The following CTBP2 variants were observed in gnomAD, a reference collection of about 807,000 sequenced individuals.
CTBP2 encodes the protein C-terminal-binding protein 2.
A neutral mutation model predicts 80.3 loss-of-function variants in CTBP2; 30 were observed. That is an observed-to-expected ratio of 0.37 (90% CI 0.28 to 0.51). CTBP2 has a LOEUF of 0.51. Ranked by LOEUF, CTBP2 falls within the 20% of genes least tolerant of loss-of-function variation. CTBP2 has a pLI of 0.93. For missense variants in CTBP2, 1,212 were observed against 1,375.3 expected, an observed-to-expected ratio of 0.88 and a Z score of 1.88; for synonymous variants, 594 against 587.4, an observed-to-expected ratio of 1.01 and a Z score of -0.16.
intron 1 of CTBP2, among the ~76,000 whole-genome samples, chr10:125,145,920 AT>A (rs112934983): frequency 0.015 from 2,068 of 141,196 alleles, 17 homozygotes; most frequent in Middle Eastern, 0.034. Context: ...TCCAAGTGAG[AT>A]TTTTTTTTTT....
chr10:125,068,757 C>T (rs1040139181), intron 2 of CTBP2, among the ~76,000 whole-genome samples: 5 of 152,162 alleles, frequency 3.3e-5, no homozygotes, highest in Non-Finnish European at 7.4e-5. Context: ...CAGGACCAGG[C>T]CCTGGAAGGT....
At chr10:125,074,853 A>G (rs549288804) in intron 2 of CTBP2, among the ~76,000 whole-genome samples, 2 of 152,356 alleles carry the variant, frequency 1.3e-5, no homozygotes, top group South Asian at 4.1e-4. Context: ...CCTGGCAGAG[A>G]AGTACAATGA....
chr10:124,984,636 G>C lies in CTBP2; in HGVS notation c.*4882C>G. On this transcript the variant is annotated 3_prime_UTR_variant, in exon 9 of 9. Transcript: ENST00000309035. ...GACTTTAATCACAAAACTTCCAAGAGGTCAAAACCATGTGAAAAGTTGATT... is the reference window on the plus strand; with the variant it reads ...GACTTTAATCACAAAACTTCCAAGACGTCAAAACCATGTGAAAAGTTGATT... The C allele has an allele frequency of 1.2e-6, 1 of 813,046 alleles. No individual in the cohort carries two copies. The highest frequency in any genetic ancestry group is 1.9e-6 in the Non-Finnish European group (1 of 526,266). The allele number at this position is 813,046 out of a possible 1,614,324, so 50.4% of individuals were successfully genotyped here. A position where few individuals can be genotyped will look rare whatever the true frequency, so the allele number is the denominator to read the frequency against.
At chr10:125,058,414 T>C (rs768589816) in intron 2 of CTBP2, among the ~76,000 whole-genome samples, 18 of 152,198 alleles carry the variant, frequency 1.2e-4, no homozygotes, top group Non-Finnish European at 2.2e-4. Flanking sequence ...AGTTTTGCCT[T>C]TTCCAAGCTA....
chr10:125,154,311 G>A (rs1006721267), intron 1 of CTBP2, among the ~76,000 whole-genome samples: 1 of 152,076 alleles, frequency 6.6e-6, no homozygotes, highest in Non-Finnish European at 1.5e-5. Context: ...CAAAACCAAA[G>A]GCAAGGCTGG....
chr10:125,113,659 A>T (rs1852683913), intron 1 of CTBP2, among the ~76,000 whole-genome samples: 1 of 152,250 alleles, frequency 6.6e-6, no homozygotes, highest in Admixed American at 6.5e-5. Context: ...TGACTATAAC[A>T]TTACTTGTTT....
chr10:125,115,871 T>C (rs1490078084), intron 1 of CTBP2, among the ~76,000 whole-genome samples: 2 of 152,174 alleles, frequency 1.3e-5, no homozygotes, highest in Non-Finnish European at 2.9e-5. Context: ...TCTGCACTTC[T>C]GCCCCAAGCA....
Position 125,054,408 on chromosome 10 carries a change from C to T in CTBP2, c.-101-15253G>A, listed in dbSNP as rs1363526857. On this transcript the variant is annotated intron_variant, in intron 2 of 10. Coordinates refer to the CTBP2 transcript ENST00000337195. ...GCCAGCTGCCCTAAGGAGAGACCCA[C>T]GGAACAGGAAACCAAGGCCCTCAGT... 4.6e-5 allele frequency among the ~76,000 whole-genome samples: 7 copies of T among 152,242 alleles called. No individual in the cohort carries two copies. The East Asian group carries it at 7.7e-4, about 17-fold the overall frequency.
chr10:125,027,275 C>T lies in CTBP2; in HGVS notation c.485G>A (p.Gly162Asp). ...ACCTCCAGGATCCCGGTACAGGTGA[C>T]CGGCGTCCTGCAGGGCAGGTGACCG... is the stretch of plus-strand genomic sequence containing the variant. The change falls in exon 1 of 9, where the codon GGT becomes GAT. Residue 162 changes from glycine to aspartate, a missense_variant. This residue lies in a region of CTBP2 where 848 missense variants were observed against 782.3 expected (regional missense o/e 1.08). Coordinates refer to ENST00000309035, the MANE Select transcript of CTBP2 (RefSeq NM_022802.3). 4 of 1,613,612 alleles carry T rather than the reference C, an allele frequency of 2.5e-6. No individual in the cohort carries two copies. Among genetic ancestry groups the T allele is most frequent in the South Asian group, 1.1e-5 (1 of 91,080 alleles).
At chr10:125,134,519 C>A (rs1337023718) in intron 1 of CTBP2, among the ~76,000 whole-genome samples, 1 of 152,196 alleles carries the variant, frequency 6.6e-6, no homozygotes, top group Non-Finnish European at 1.5e-5. Flanking sequence ...GGACCATAAT[C>A]CTACCGCTCC....
At chr10:125,083,123 G>A (rs934671476) in intron 2 of CTBP2, among the ~76,000 whole-genome samples, 68 of 152,146 alleles carry the variant, frequency 4.5e-4, no homozygotes, top group African/African-American at 1.4e-3. Context: ...TGCAGCCAGC[G>A]GCTGCTGCAG....
At chr10:125,064,818 G>C (rs1844380197) in intron 2 of CTBP2, among the ~76,000 whole-genome samples, 1 of 152,110 alleles carries the variant, frequency 6.6e-6, no homozygotes, top group Non-Finnish European at 1.5e-5. Flanking sequence ...GTTAAAGACA[G>C]AGGAAGAAAA....
At chr10:125,003,879 G>A (rs914218421) in intron 1 of CTBP2, among the ~76,000 whole-genome samples, 3 of 152,164 alleles carry the variant, frequency 2.0e-5, no homozygotes, top group Non-Finnish European at 2.9e-5. Flanking sequence ...AGGCGTGTGC[G>A]TCCAAAGGAA....
intron 2 of CTBP2, among the ~76,000 whole-genome samples, chr10:125,072,633 A>AG (rs1845668084): frequency 8.7e-6 from 1 of 114,458 alleles, no homozygotes; most frequent in Non-Finnish European, 1.8e-5. Flanking sequence ...AAAAAAGAAA[A>AG]GAAAAAAAAA....
At chr10:125,068,416 C>T (rs35435680) in intron 2 of CTBP2, among the ~76,000 whole-genome samples, 54,952 of 152,110 alleles carry the variant, frequency 0.36, 10,526 homozygotes, top group Middle Eastern at 0.48. Context: ...CTCAAAATAG[C>T]AAGTTATAAA....
intron 1 of CTBP2, among the ~76,000 whole-genome samples, chr10:125,021,923 G>A (rs566425154): frequency 1.3e-5 from 2 of 152,260 alleles, no homozygotes; most frequent in African/African-American, 4.8e-5. Context: ...AGGCCATGCC[G>A]AGGTTCTTGC....
intron 2 of CTBP2, among the ~76,000 whole-genome samples, chr10:125,092,176 C>CTTTT (rs71029238): frequency 0.013 from 1,153 of 87,062 alleles, 37 homozygotes; most frequent in African/African-American, 0.037. Flanking sequence ...TCTGAAGATT[C>CTTTT]TTTTTTTTTT....
chr10:125,162,065 A>AT (rs1291738206), upstream of CTBP2, among the ~76,000 whole-genome samples: 1 of 152,214 alleles, frequency 6.6e-6, no homozygotes. Flanking sequence ...AGGGCCCCCC[A>AT]AACTCTTCTC....
chr10:125,123,199 A>G (rs1338440143), intron 1 of CTBP2, among the ~76,000 whole-genome samples: 4 of 150,776 alleles, frequency 2.7e-5, no homozygotes, highest in Non-Finnish European at 1.5e-5. Context: ...GGCCACCTCA[A>G]GTGGATATGA....
Sources: allele counts gnomAD v4.1 joint callset (sites outside exome capture counted in the v4.1 genomes callset), GRCh38; gene constraint gnomAD v4.1.1; regional missense constraint gnomAD v4.1.1; transcripts MANE v1.5; gene names NCBI Gene and HGNC (gene_info 2026-07-23, HGNC 2026-07-21).